Variants in PIWIL1 observed in about 807,000 individuals in gnomAD.
PIWIL1 encodes piwi-like protein 1.
A neutral mutation model predicts 114.4 loss-of-function variants in PIWIL1; 73 were observed. The ratio of observed to expected loss-of-function variants is 0.64; its 90% CI spans 0.53 to 0.78. The LOEUF (loss-of-function observed/expected upper bound fraction) is 0.78, where lower values mean the gene tolerates loss of function less well. Among genes scored for constraint, PIWIL1 ranks in the 30% least tolerant of loss-of-function variants. PIWIL1 has a pLI of 0.00. For missense variants in PIWIL1, 723 were observed against 1,063.1 expected (o/e 0.68, Z 4.45); for synonymous variants, 375 against 369.0 (o/e 1.02, Z -0.19).
rs905123679 is a variant in PIWIL1, at chr12:130,362,672, G to A, written c.1971-94G>A. On this transcript the variant is annotated intron_variant, in intron 16 of 20. Coordinates refer to ENST00000245255, the MANE Select transcript of PIWIL1 (RefSeq NM_004764.5). ...CTTTAAGGCAGTTACAAAGATGACAGATTGCTAAGAGTGAAATAAATATAG... is the reference window on the plus strand; with the variant it reads ...CTTTAAGGCAGTTACAAAGATGACAAATTGCTAAGAGTGAAATAAATATAG... The A allele has an allele frequency of 9.4e-6, 10 of 1,064,650 alleles. No homozygotes were observed. In the Admixed American group the frequency reaches 1.5e-4, roughly 16 times the overall value. 66.0% of individuals were successfully genotyped at this position (1,064,650 alleles called of 1,614,324 possible).
the PIWIL1 span, among the ~76,000 whole-genome samples, chr12:130,417,438 A>G: frequency 3.1e-3 from 473 of 152,356 alleles, 1 homozygote; most frequent in African/African-American, 0.011. Flanking sequence ...CTCTGCAGCC[A>G]CTGGAGGCCA....
chr12:130,425,142 G>T, the PIWIL1 span: 1 of 320,724 alleles, frequency 3.1e-6, no homozygotes, highest in Non-Finnish European at 5.7e-6. Flanking sequence ...GAGGGCAGGT[G>T]AGATCCCGGC....
At chr12:130,425,004 C>T in the PIWIL1 span, 1 of 438,514 alleles carries the variant, frequency 2.3e-6, no homozygotes, top group Non-Finnish European at 3.8e-6. Flanking sequence ...AGGCCGGGGG[C>T]ATGCCGTGGA....
At chr12:130,360,486 A>C (rs1460642209) in intron 14 of PIWIL1, among the ~76,000 whole-genome samples, 1 of 152,136 alleles carries the variant, frequency 6.6e-6, no homozygotes, top group East Asian at 1.9e-4. Context: ...TACAAAAATT[A>C]GCCAGGCATG....
At chr12:130,342,212 TAA>T (rs1341634795) in intron 1 of PIWIL1, 8 of 240,480 alleles carry the variant, frequency 3.3e-5, no homozygotes, top group Admixed American at 1.5e-4. Context: ...GAGTATGTGT[TAA>T]GTGTGTGTAC....
rs758445894 is a variant in PIWIL1 at position 130,349,904 on chromosome 12, T to C, written c.981T>C (p.Asn327=). The C allele has an allele frequency of 1.9e-6, 3 of 1,613,436 alleles. No homozygotes were observed. Among genetic ancestry groups the C allele is most frequent in the Non-Finnish European group, 8.5e-7 (1 of 1,179,650 alleles). The part of the protein sequence containing the change: ...YRVDDIDWDQ[N]PKSTFKKADG... ...TGGATGATATTGACTGGGACCAGAA[T>C]CCCAAGAGCACCTTTAAGAAAGCCG... Residue 327 remains asparagine, a synonymous_variant, in exon 9 of 21, where the codon AAT becomes AAC. Coordinates refer to ENST00000245255, the MANE Select transcript of PIWIL1 (RefSeq NM_004764.5).
At chr12:130,370,119 A>T (rs1314576443) in intron 19 of PIWIL1, among the ~76,000 whole-genome samples, 3 of 152,112 alleles carry the variant, frequency 2.0e-5, no homozygotes, top group African/African-American at 7.2e-5. Context: ...GTTGTAGATC[A>T]GTTCTGCTTT....
At chr12:130,375,796 C>T (rs34682130), downstream of PIWIL1, among the ~76,000 whole-genome samples, 2,551 of 152,212 alleles carry the variant, frequency 0.017, 28 homozygotes, top group Non-Finnish European at 0.025. Flanking sequence ...CTTCTTTCCT[C>T]CCCATCCTCT....
chr12:130,421,864 C>T, the PIWIL1 span, among the ~76,000 whole-genome samples: 19 of 152,112 alleles, frequency 1.2e-4, no homozygotes, highest in Admixed American at 2.0e-4. Context: ...ATGACTAAAA[C>T]GATAGCTTTC....
chr12:130,344,446 G>GACGTGATATTTAAAACTTCTC (rs2073013867), intron 3 of PIWIL1, among the ~76,000 whole-genome samples: 2 of 108,938 alleles, frequency 1.8e-5, no homozygotes, highest in Middle Eastern at 9.5e-3. Flanking sequence ...AAGTGCTTTA[G>GACGTGATATTTAAAACTTCTC]ACGTGATATT....
At chr12:130,373,741 A>G (rs1354909075), downstream of PIWIL1, among the ~76,000 whole-genome samples, 1 of 152,134 alleles carries the variant, frequency 6.6e-6, no homozygotes, top group African/African-American at 2.4e-5. Context: ...GGGTCTCCTT[A>G]ACATCGTCTT....
the PIWIL1 span, chr12:130,406,201 CA>C: frequency 6.2e-7 from 1 of 1,600,166 alleles, no homozygotes; most frequent in African/African-American, 1.3e-5. Flanking sequence ...TCAATTTCAC[CA>C]AAAACTGTAA....
At chr12:130,393,856 G>A in the PIWIL1 span, among the ~76,000 whole-genome samples, 52 of 152,262 alleles carry the variant, frequency 3.4e-4, no homozygotes, top group African/African-American at 1.2e-3. Flanking sequence ...CAGCCCCCAC[G>A]GCAGGAGCTC....
At chr12:130,354,332 G>A (rs574209582) in intron 9 of PIWIL1, among the ~76,000 whole-genome samples, 1 of 152,228 alleles carries the variant, frequency 6.6e-6, no homozygotes, top group African/African-American at 2.4e-5. Flanking sequence ...GAAAAAGATA[G>A]GGCACTCAGT....
intron 1 of PIWIL1, among the ~76,000 whole-genome samples, chr12:130,341,161 C>A (rs1399555555): frequency 6.6e-6 from 1 of 152,172 alleles, no homozygotes; most frequent in African/African-American, 2.4e-5. Context: ...GTTGAGTATC[C>A]AAGCTGTCTG....
chr12:130,376,612 A>G (rs2073868559), downstream of PIWIL1, among the ~76,000 whole-genome samples: 1 of 152,232 alleles, frequency 6.6e-6, no homozygotes, highest in African/African-American at 2.4e-5. Flanking sequence ...CATTCAGGCC[A>G]GAAACCTGGG....
chr12:130,343,067 G>C lies in PIWIL1; in HGVS notation c.156G>C (p.Gln52His). 1.2e-6 allele frequency: 2 copies of C among 1,613,910 alleles called. No homozygotes were observed. The highest frequency in any genetic ancestry group is 1.7e-6 in the Non-Finnish European group (2 of 1,179,858). ...AEGELFGRGR[Q>H]RGTAGGTAKS... ...GGGAATTATTTGGCCGTGGACGGCA[G>C]AGAGGAACAGCAGGAGGAACAGCCA... The change falls in exon 3 of 21, where the codon CAG becomes CAC. Residue 52 changes from glutamine to histidine, a missense_variant. Gln to His is a conservative substitution (Grantham distance 24). This residue lies in a region of PIWIL1 where 91 missense variants were observed against 76.2 expected (regional missense o/e 1.19). Transcript: ENST00000245255.
intron 3 of PIWIL1, among the ~76,000 whole-genome samples, chr12:130,343,849 G>A (rs928712209): frequency 6.6e-6 from 1 of 152,028 alleles, no homozygotes; most frequent in African/African-American, 2.4e-5. Flanking sequence ...GGACGGTCTC[G>A]ATCTCCTGAC....
At chr12:130,342,948 C>T (rs201327674) in intron 2 of PIWIL1, 42 bp from the exon 3 acceptor site, 44 of 1,456,002 alleles carry the variant, frequency 3.0e-5, no homozygotes, top group African/African-American at 5.6e-5. Flanking sequence ...GGTGTCTGAC[C>T]GCTTGACGAA....
Sources: gnomAD v4.1 joint callset for allele counts (sites outside exome capture counted in the v4.1 genomes callset) on GRCh38, gnomAD v4.1.1 for gene constraint, gnomAD v4.1.1 regional missense constraint, MANE v1.5 for transcripts, NCBI Gene and HGNC (gene_info 2026-07-23, HGNC 2026-07-21) for gene names.